SIMC1: variants seen among roughly 807,000 people sequenced by gnomAD.
SIMC1 encodes SUMO-interacting motif-containing protein 1.
A neutral mutation model predicts 82.3 loss-of-function variants in SIMC1; 55 were observed. The observed-to-expected ratio is 0.67, with a 90% CI of 0.54 to 0.84. The LOEUF (loss-of-function observed/expected upper bound fraction) is 0.84. SIMC1 is among the 40% of genes least tolerant of loss of function. The probability of loss-of-function intolerance (pLI) is 0.00; values close to 1 mark genes in which losing one functional copy is unlikely to be tolerated. For synonymous variants in SIMC1, 353 were observed against 426.3 expected, an observed-to-expected ratio of 0.83 and a Z score of 2.12; for missense variants, 915 against 1,107.2, an observed-to-expected ratio of 0.83 and a Z score of 2.46.
At chr5:176,329,328 G>A (rs972625069) in intron 7 of SIMC1, among the ~76,000 whole-genome samples, 3 of 151,938 alleles carry the variant, frequency 2.0e-5, no homozygotes, top group Non-Finnish European at 4.4e-5. Flanking sequence ...AAAATTAGCC[G>A]GGTGCGGTGG....
intron 4 of SIMC1, among the ~76,000 whole-genome samples, chr5:176,303,365 T>C (rs1315782215): frequency 3.3e-5 from 5 of 149,844 alleles, no homozygotes; most frequent in South Asian, 4.2e-4. Context: ...TCAGCTCTTA[T>C]TGCCCAGGCT....
chr5:176,291,330 ATTT>A (rs70991527), intron 2 of SIMC1, among the ~76,000 whole-genome samples: 2,654 of 71,582 alleles, frequency 0.037, 54 homozygotes, highest in African/African-American at 0.079. Flanking sequence ...TGCCCGGCTA[ATTT>A]TTTTTTTTTT....
At chr5:176,261,502 T>G (rs554682574) in intron 1 of SIMC1, among the ~76,000 whole-genome samples, 16 of 152,252 alleles carry the variant, frequency 1.1e-4, no homozygotes, top group African/African-American at 3.1e-4. Flanking sequence ...CAGCCAGCTC[T>G]TTGGAAGGCC....
chr5:176,330,835 G>A (rs1300998313), intron 7 of SIMC1, among the ~76,000 whole-genome samples: 3 of 152,108 alleles, frequency 2.0e-5, no homozygotes, highest in African/African-American at 7.2e-5. Flanking sequence ...TATTTGCATG[G>A]TCTCTAAGTA....
chr5:176,249,352 A>G (rs1215072618), intron 1 of SIMC1, among the ~76,000 whole-genome samples: 1 of 151,936 alleles, frequency 6.6e-6, no homozygotes, highest in Non-Finnish European at 1.5e-5. Context: ...TGTCCAGGAC[A>G]TTGTCCATTT....
At chr5:176,244,405 A>T (rs978899984) in intron 1 of SIMC1, among the ~76,000 whole-genome samples, 1 of 142,612 alleles carries the variant, frequency 7.0e-6, no homozygotes, top group Non-Finnish European at 1.5e-5. Flanking sequence ...TCTGAAGAAA[A>T]GTCCTGACTA....
At chr5:176,280,255 T>G (rs894632301) in intron 1 of SIMC1, among the ~76,000 whole-genome samples, 1 of 152,216 alleles carries the variant, frequency 6.6e-6, no homozygotes, top group African/African-American at 2.4e-5. Context: ...TTTTGATCTT[T>G]GTTGGTTTAA....
At chr5:176,286,881 C>T (rs1292901755) in intron 1 of SIMC1, among the ~76,000 whole-genome samples, 1 of 152,188 alleles carries the variant, frequency 6.6e-6, no homozygotes, top group Non-Finnish European at 1.5e-5. Context: ...TGAAAAAATG[C>T]TCATCATCAC....
At chr5:176,263,789 T>C (rs2113153438) in intron 1 of SIMC1, among the ~76,000 whole-genome samples, 1 of 152,268 alleles carries the variant, frequency 6.6e-6, no homozygotes, top group East Asian at 1.9e-4. Flanking sequence ...TTTCCAAAAG[T>C]CTTAACTCAT....
At chr5:176,257,336 AAATGC>A (rs373258890) in intron 1 of SIMC1, among the ~76,000 whole-genome samples, 208 of 151,312 alleles carry the variant, frequency 1.4e-3, no homozygotes, top group African/African-American at 4.8e-3. Flanking sequence ...AAAACAAAAG[AAATGC>A]CTGAGACTGG....
intron 7 of SIMC1, among the ~76,000 whole-genome samples, chr5:176,333,425 GGTGTTTTGTT>G (rs1765753536): frequency 6.6e-6 from 1 of 151,812 alleles, no homozygotes; most frequent in South Asian, 2.1e-4. Context: ...GGGTTTTTTT[GGTGTTTTGTT>G]GTGTTTTGTT....
chr5:176,242,460 A>G (rs1473416211), intron 1 of SIMC1, among the ~76,000 whole-genome samples: 2 of 150,796 alleles, frequency 1.3e-5, no homozygotes, highest in Admixed American at 1.3e-4. Flanking sequence ...GCTAGTATCT[A>G]CATATATTTT....
rs1360439194 is a variant in SIMC1 at position 176,239,809 on chromosome 5, CATGAGGTAGTGAGAG to C, written c.129+1174_129+1188del. Among the ~76,000 whole-genome samples, 4 of 47,956 alleles carry C rather than the reference CATGAGGTAGTGAGAG, an allele frequency of 8.3e-5. 1 individual carries two copies. Among genetic ancestry groups the C allele is most frequent in the African/African-American group, 2.6e-4 (3 of 11,760 alleles). 31.5% of individuals were successfully genotyped at this position (47,956 alleles called of 152,430 possible). On this transcript the variant is annotated intron_variant, in intron 1 of 9. Transcript: ENST00000429602. ...ACAAATTTAGTTGAGTTAGGCAGCT[CATGAGGTAGTGAGAG>C]AAGAGATTTCCAAGATAGAAATGAC...
chr5:176,320,331 T>TTTA (rs1765103542), intron 5 of SIMC1, among the ~76,000 whole-genome samples: 1 of 140,314 alleles, frequency 7.1e-6, no homozygotes, highest in Non-Finnish European at 1.5e-5. Flanking sequence ...AGCCATCCTA[T>TTTA]TTTATTTATT....
intron 5 of SIMC1, among the ~76,000 whole-genome samples, chr5:176,314,668 C>T (rs1464469816): frequency 6.6e-6 from 1 of 152,106 alleles, no homozygotes; most frequent in Non-Finnish European, 1.5e-5. Flanking sequence ...CTACTATATG[C>T]TTATACCAAG....
At chr5:176,305,693 T>C (rs1764316500) in intron 4 of SIMC1, among the ~76,000 whole-genome samples, 1 of 95,094 alleles carries the variant, frequency 1.1e-5, no homozygotes, top group African/African-American at 4.4e-5. Flanking sequence ...AGCCGCCCCG[T>C]CCGGGAGGGA....
chr5:176,312,719 GA>G (rs534679149), intron 4 of SIMC1, among the ~76,000 whole-genome samples: 3 of 152,156 alleles, frequency 2.0e-5, no homozygotes, highest in Non-Finnish European at 4.4e-5. Flanking sequence ...CCTACTGACT[GA>G]ATCATATCCT....
chr5:176,322,200 TTTTC>T (rs2113368963), intron 5 of SIMC1, 69 bp from the exon 6 acceptor site: 10 of 1,474,360 alleles, frequency 6.8e-6, no homozygotes, highest in South Asian at 1.4e-5. Context: ...CATGGAAACC[TTTTC>T]TTTCTTTATT....
At chr5:176,285,043 A>T (rs1168857433) in intron 1 of SIMC1, among the ~76,000 whole-genome samples, 1 of 152,218 alleles carries the variant, frequency 6.6e-6, no homozygotes, top group African/African-American at 2.4e-5. Flanking sequence ...TTCACAGCCA[A>T]ATTCTACCAG....
Sources: gnomAD v4.1 joint callset for allele counts (sites outside exome capture counted in the v4.1 genomes callset) on GRCh38, gnomAD v4.1.1 for gene constraint, MANE v1.5 for transcripts, NCBI Gene and HGNC (gene_info 2026-07-23, HGNC 2026-07-21) for gene names.